THAP1: variants seen among roughly 807,000 people sequenced by gnomAD.
THAP1 encodes the protein THAP domain-containing protein 1.
Under a neutral mutation model 18.2 loss-of-function variants are expected in THAP1, and 6 were observed. The observed-to-expected ratio is 0.33, with a 90% CI of 0.18 to 0.65. The LOEUF (loss-of-function observed/expected upper bound fraction) is 0.65, where lower values mean the gene tolerates loss of function less well. Among genes scored for constraint, THAP1 ranks in the 30% least tolerant of loss-of-function variants. THAP1 has a pLI of 0.74. For synonymous variants in THAP1, 85 were observed against 90.5 expected (o/e 0.94, Z 0.34); for missense variants, 176 against 253.0 (o/e 0.70, Z 2.06).
At chr8:42,838,704 A>C (rs1268019870) in intron 2 of THAP1, among the ~76,000 whole-genome samples, 1 of 152,084 alleles carries the variant, frequency 6.6e-6, no homozygotes, top group African/African-American at 2.4e-5. Flanking sequence ...TAAATAAATA[A>C]ATAATAAAAG....
chr8:42,837,867 TAATCA>T lies in THAP1; in HGVS notation c.*90_*94del. 7.4e-7 allele frequency: 1 copy of T among 1,357,534 alleles called. No homozygotes were observed. Among genetic ancestry groups the T allele is most frequent in the East Asian group, 2.3e-5 (1 of 43,002 alleles). 84.1% of individuals were successfully genotyped at this position (1,357,534 alleles called of 1,614,324 possible). A position where few individuals can be genotyped will look rare whatever the true frequency, so the allele number is the denominator to read the frequency against. ...ATATTCTGAACTGTTTTTATATAAG[TAATCA>T]AATGTTATTTTTTTAAATGAAACTC... On this transcript the variant is annotated 3_prime_UTR_variant, in exon 3 of 3. Transcript: ENST00000254250.
intron 2 of THAP1, among the ~76,000 whole-genome samples, 160 bp downstream of exon 2, chr8:42,839,026 A>G (rs956397785): frequency 3.3e-5 from 5 of 152,224 alleles, no homozygotes; most frequent in Non-Finnish European, 7.3e-5. Flanking sequence ...ATTTATCTTT[A>G]ATAAACTGCA....
chr8:42,837,899 T>C lies in THAP1; in HGVS notation c.*63A>G. On this transcript the variant is annotated 3_prime_UTR_variant, in exon 3 of 3. Transcript: ENST00000254250. ...ATGTTATTTTTTTAAATGAAACTCC[T>C]TTACAGGCTAGAGGAGGATATGTGG... 6.4e-7 allele frequency: 1 copy of C among 1,562,416 alleles called. No individual in the cohort carries two copies.
At chr8:42,842,135 G>A (rs1433455386) in intron 1 of THAP1, among the ~76,000 whole-genome samples, 1 of 152,134 alleles carries the variant, frequency 6.6e-6, no homozygotes, top group Non-Finnish European at 1.5e-5. Flanking sequence ...TAGCTGTCAG[G>A]AATTCTTGCA....
In THAP1 at chr8:42,843,053, G is replaced by A; in HGVS notation, c.42C>T (p.Tyr14=). The A allele has an allele frequency of 1.9e-6, 3 of 1,613,980 alleles. No individual in the cohort carries two copies. The highest frequency in any genetic ancestry group is 2.2e-5 in the East Asian group (1 of 44,876). The change falls in exon 1 of 3, where the codon TAC becomes TAT. Residue 14 remains tyrosine, a synonymous_variant. Coordinates refer to ENST00000254250, the MANE Select transcript of THAP1 (RefSeq NM_018105.3). ...GGAAAGAAACGGGCTTGTCCTTGTC[G>A]TAGCGGTTCTTGCAGCCGTAGGCGG... ...SCSAYGCKNR[Y]DKDKPVSFHK...
intron 1 of THAP1, among the ~76,000 whole-genome samples, chr8:42,840,099 G>A (rs1346885471): frequency 3.3e-5 from 5 of 152,182 alleles, no homozygotes; most frequent in African/African-American, 1.2e-4. Context: ...TGAGACTGAG[G>A]TGGAAGGACT....
At chr8:42,842,332 C>G (rs1252846552) in intron 1 of THAP1, among the ~76,000 whole-genome samples, 1 of 152,202 alleles carries the variant, frequency 6.6e-6, no homozygotes, top group Non-Finnish European at 1.5e-5. Flanking sequence ...GCTCTGAAAG[C>G]TGTGGGGCAG....
chr8:42,841,004 T>C (rs955166483), intron 1 of THAP1, among the ~76,000 whole-genome samples: 6 of 149,802 alleles, frequency 4.0e-5, no homozygotes, highest in African/African-American at 1.2e-4. Flanking sequence ...AAATCTCAAC[T>C]GGAACGGCCT....
chr8:42,840,793 CCT>C lies in THAP1; in HGVS notation c.72-1414_72-1413del, dbSNP rs536531001. On this transcript the variant is annotated intron_variant, in intron 1 of 2. Transcript: ENST00000254250. ...ACCATCCTGGCCAACATGGTGAAAC[CCT>C]GTCTCTACTAAAAATACAAAAATTA... Among the ~76,000 whole-genome samples, 48 of 152,012 alleles carry C rather than the reference CCT, an allele frequency of 3.2e-4. No homozygotes were observed. The East Asian group carries it at 6.9e-3, about 22-fold the overall frequency.
rs573181569 is a variant in THAP1 at position 42,837,581 on chromosome 8, A to G, written c.*381T>C. Reference sequence around the variant, plus strand: ...TTTAAAATATAACTAAATTCTCTCAATAAAACAGTACTAATTTTAAGTTTT... The same window carrying G: ...TTTAAAATATAACTAAATTCTCTCAGTAAAACAGTACTAATTTTAAGTTTT... On this transcript the variant is annotated 3_prime_UTR_variant, in exon 3 of 3. Transcript: ENST00000254250. 9 of 159,348 alleles carry G rather than the reference A, an allele frequency of 5.6e-5. No homozygotes were observed. Among genetic ancestry groups the G allele is most frequent in the African/African-American group, 1.9e-4 (8 of 41,686 alleles). 9.9% of individuals were successfully genotyped at this position (159,348 alleles called of 1,614,324 possible). A position where few individuals can be genotyped will look rare whatever the true frequency, so the allele number is the denominator to read the frequency against.
chr8:42,837,918 T>C lies in THAP1; in HGVS notation c.*44A>G. 6.2e-7 allele frequency: 1 copy of C among 1,601,880 alleles called. No individual in the cohort carries two copies. The highest frequency in any genetic ancestry group is 1.1e-5 in the South Asian group (1 of 90,526). Reference sequence around the variant, plus strand: ...AACTCCTTTACAGGCTAGAGGAGGATATGTGGTATTGCCCCATTAGAAATC... The same window carrying C: ...AACTCCTTTACAGGCTAGAGGAGGACATGTGGTATTGCCCCATTAGAAATC... On this transcript the variant is annotated 3_prime_UTR_variant, in exon 3 of 3. Transcript: ENST00000254250.
rs886062948 is a variant in THAP1 at position 42,837,842 on chromosome 8, AT to A, written c.*119del. The A allele has an allele frequency of 7.7e-5, 86 of 1,113,580 alleles. No individual in the cohort carries two copies. The highest frequency in any genetic ancestry group is 1.0e-4 in the Non-Finnish European group (84 of 826,704). The allele number at this position is 1,113,580 out of a possible 1,614,324, so 69.0% of individuals were successfully genotyped here. A position where few individuals can be genotyped will look rare whatever the true frequency, so the allele number is the denominator to read the frequency against. Reference sequence around the variant, plus strand: ...TATATATAGAATTTTTTTTAAAAAAATATTCTGAACTGTTTTTATATAAGTA... The same window carrying A: ...TATATATAGAATTTTTTTTAAAAAAAATTCTGAACTGTTTTTATATAAGTA... On this transcript the variant is annotated 3_prime_UTR_variant, in exon 3 of 3. Coordinates refer to ENST00000254250, the MANE Select transcript of THAP1 (RefSeq NM_018105.3).
intron 1 of THAP1, 84 bp downstream of exon 1, chr8:42,842,940 G>C: frequency 4.8e-5 from 26 of 541,220 alleles, no homozygotes; most frequent in South Asian, 1.2e-4. Context: ...GCGCGGACAC[G>C]CGCCTGGCTC....
chr8:42,837,942 T>A lies in THAP1; in HGVS notation c.*20A>T. ...ATATGTGGTATTGCCCCATTAGAAA[T>A]CAATACACATTTCATTTTTTTATGC... On this transcript the variant is annotated 3_prime_UTR_variant, in exon 3 of 3. Coordinates refer to ENST00000254250, the MANE Select transcript of THAP1 (RefSeq NM_018105.3). 2 of 1,609,720 alleles carry A rather than the reference T, an allele frequency of 1.2e-6. No individual in the cohort carries two copies. The highest frequency in any genetic ancestry group is 1.7e-6 in the Non-Finnish European group (2 of 1,179,798).
In THAP1 at chr8:42,838,085, T is replaced by C; in HGVS notation, c.519A>G (p.Gln173=). Residue 173 remains glutamine (Q), a synonymous_variant, in exon 3 of 3, where the codon CAA becomes CAG. Coordinates refer to ENST00000254250, the MANE Select transcript of THAP1 (RefSeq NM_018105.3). The part of the protein sequence containing the change: ...LKTAQQRCRR[Q]ERQLEKLKEV... ...CCTTTAATTTTTCAAGCTGCCGTTC[T>C]TGCCTTCTGCATCGCTGCTGTGCGG... 6.2e-7 allele frequency: 1 copy of C among 1,614,230 alleles called. No homozygotes were observed. The highest frequency in any genetic ancestry group is 8.5e-7 in the Non-Finnish European group (1 of 1,180,046).
intron 1 of THAP1, among the ~76,000 whole-genome samples, chr8:42,840,824 G>A (rs1802702997): frequency 6.6e-6 from 1 of 152,020 alleles, no homozygotes; most frequent in Admixed American, 6.6e-5. Context: ...AAAATTAGCT[G>A]GGCGTGGTGG....
At chr8:42,842,386 TAAA>T (rs1802735947) in intron 1 of THAP1, 7 of 152,326 alleles carry the variant, frequency 4.6e-5, no homozygotes, top group African/African-American at 1.7e-4. Flanking sequence ...AATGCCATAA[TAAA>T]TAAAGATCCG....
Position 42,838,320 on chromosome 8 carries a change from T to G in THAP1, c.284A>C (p.Glu95Ala). 6.2e-7 allele frequency: 1 copy of G among 1,613,956 alleles called. No individual in the cohort carries two copies. The highest frequency in any genetic ancestry group is 1.3e-5 in the African/African-American group (1 of 75,048). ...AGGTGGGGGAAGCTGTTCCTGTGGC[T>G]CCAGAAGATCTTCTTTCTAAAACAA... Reference protein sequence around the residue: ...EPHDKKEDLLEPQEQLPPPPL... With the variant: ...EPHDKKEDLLAPQEQLPPPPL... Residue 95 changes from glutamate (E) to alanine (A), a missense_variant, in exon 3 of 3, where the codon GAG becomes GCG. Glu to Ala is a moderately radical substitution (Grantham distance 107). Transcript: ENST00000254250.
In THAP1 at chr8:42,838,064, T is replaced by C. The variant is rs748325390; in HGVS notation, c.540A>G (p.Leu180=). The change falls in exon 3 of 3, where the codon TTA becomes TTG. Residue 180 remains leucine (L), a synonymous_variant. Transcript: ENST00000254250. ...CRRQERQLEK[L]KEVVHFQKEK... is the part of the protein sequence containing the mutation. ...CTTTCTGGAAGTGAACAACCTCCTT[T>C]AATTTTTCAAGCTGCCGTTCTTGCC... 1 of 1,614,112 alleles carries C rather than the reference T, an allele frequency of 6.2e-7. No homozygotes were observed. The highest frequency in any genetic ancestry group is 1.1e-5 in the South Asian group (1 of 91,080).
Sources: gnomAD v4.1 joint callset for allele counts (sites outside exome capture counted in the v4.1 genomes callset) on GRCh38, gnomAD v4.1.1 for gene constraint, MANE v1.5 for transcripts, NCBI Gene and HGNC (gene_info 2026-07-23, HGNC 2026-07-21) for gene names.